EXOC4: variants seen among roughly 807,000 people sequenced by gnomAD.
EXOC4 encodes exocyst complex component 4.
Under a neutral mutation model 107.2 loss-of-function variants are expected in EXOC4, and 71 were observed. The observed-to-expected ratio is 0.66, with a 90% confidence interval of 0.55 to 0.81. EXOC4 has a LOEUF of 0.81. Among genes scored for constraint, EXOC4 ranks in the 30% least tolerant of loss-of-function variants. EXOC4 has a pLI of 0.00. For synonymous variants in EXOC4, 456 were observed against 441.2 expected, an observed-to-expected ratio of 1.03 and a Z score of -0.42; for missense variants, 1,108 against 1,189.6, an observed-to-expected ratio of 0.93 and a Z score of 1.01.
chr7:133,307,390 G>A (rs962856950), intron 4 of EXOC4, among the ~76,000 whole-genome samples: 3 of 152,130 alleles, frequency 2.0e-5, no homozygotes, highest in Non-Finnish European at 4.4e-5. Context: ...GCATTCTTTC[G>A]ACAATGCCTG....
chr7:133,690,861 T>G (rs1794404068), intron 10 of EXOC4, among the ~76,000 whole-genome samples: 2 of 152,118 alleles, frequency 1.3e-5, no homozygotes. Context: ...GGGAAACTAA[T>G]GGAAGATAGG....
At chr7:133,853,384 AC>A (rs1798281183) in intron 11 of EXOC4, among the ~76,000 whole-genome samples, 1 of 146,910 alleles carries the variant, frequency 6.8e-6, no homozygotes, top group South Asian at 2.1e-4. Context: ...ACACACACAC[AC>A]ACACACACAC....
intron 7 of EXOC4, among the ~76,000 whole-genome samples, chr7:133,443,873 T>C (rs1283087472): frequency 1.3e-5 from 2 of 152,182 alleles, no homozygotes; most frequent in Non-Finnish European, 2.9e-5. Context: ...AAGAAGCACC[T>C]GTGTTGGAAG....
At chr7:134,085,045 G>A in the EXOC4 span, among the ~76,000 whole-genome samples, 2 of 152,208 alleles carry the variant, frequency 1.3e-5, no homozygotes, top group Admixed American at 6.5e-5. Flanking sequence ...AGTGGTTGAA[G>A]TATGACTGCT....
intron 10 of EXOC4, among the ~76,000 whole-genome samples, chr7:133,757,756 C>T (rs1300089406): frequency 1.3e-5 from 2 of 152,202 alleles, no homozygotes; most frequent in African/African-American, 4.8e-5. Flanking sequence ...ATTCATATGA[C>T]AAATACTGTG....
chr7:133,937,636 C>T (rs1800334245), intron 13 of EXOC4, among the ~76,000 whole-genome samples: 1 of 152,200 alleles, frequency 6.6e-6, no homozygotes. Context: ...CTGTATAAAT[C>T]AGGCCCATAC....
chr7:133,617,197 T>C (rs1381240175), intron 9 of EXOC4, among the ~76,000 whole-genome samples: 1 of 152,188 alleles, frequency 6.6e-6, no homozygotes, highest in South Asian at 2.1e-4. Flanking sequence ...GGATTATTTA[T>C]AGTGATTGCC....
intron 10 of EXOC4, among the ~76,000 whole-genome samples, chr7:133,737,500 T>C (rs1795468712): frequency 6.6e-6 from 1 of 152,120 alleles, no homozygotes; most frequent in South Asian, 2.1e-4. Flanking sequence ...TTTTGCCTTG[T>C]TCTAGGCTAT....
intron 9 of EXOC4, among the ~76,000 whole-genome samples, chr7:133,602,435 T>A (rs1334319656): frequency 6.6e-6 from 1 of 152,218 alleles, no homozygotes; most frequent in Non-Finnish European, 1.5e-5. Flanking sequence ...CAGGTTGTTA[T>A]TGGCGATTGA....
intron 10 of EXOC4, among the ~76,000 whole-genome samples, chr7:133,710,001 G>A (rs904597098): frequency 2.0e-5 from 3 of 152,146 alleles, no homozygotes; most frequent in African/African-American, 7.2e-5. Context: ...AGCATCAAAT[G>A]ACAGATGAAC....
intron 13 of EXOC4, among the ~76,000 whole-genome samples, chr7:133,935,966 T>G (rs148819204): frequency 2.9e-3 from 441 of 152,342 alleles, no homozygotes; most frequent in Non-Finnish European, 4.7e-3. Context: ...TAATAATGCT[T>G]GGAGTTAAGC....
intron 14 of EXOC4, among the ~76,000 whole-genome samples, chr7:133,983,344 C>T (rs901274302): frequency 2.0e-5 from 3 of 152,170 alleles, no homozygotes; most frequent in African/African-American, 7.2e-5. Flanking sequence ...AGTATTTCAA[C>T]TTAGATCCAA....
chr7:133,415,689 A>C lies in EXOC4; in HGVS notation c.1182+40687A>C, dbSNP rs536130403. Among the ~76,000 whole-genome samples the C allele has an allele frequency of 2.6e-5, 4 of 152,336 alleles. No homozygotes were observed. In the East Asian group the frequency reaches 7.7e-4, roughly 29 times the overall value. ...ATTTGTGTCATTTTATTTCTTAAATAACAAAGGGCATTAAGCAAATAAGGC... is the reference window on the plus strand; with the variant it reads ...ATTTGTGTCATTTTATTTCTTAAATCACAAAGGGCATTAAGCAAATAAGGC... On this transcript the variant is annotated intron_variant, in intron 7 of 17. Transcript: ENST00000253861.
chr7:133,578,537 G>C (rs1801183000), intron 9 of EXOC4, among the ~76,000 whole-genome samples: 1 of 152,120 alleles, frequency 6.6e-6, no homozygotes, highest in African/African-American at 2.4e-5. Flanking sequence ...ACATGGTGAT[G>C]TACTTTTGAA....
At chr7:133,340,546 G>T (rs1302913452) in intron 5 of EXOC4, among the ~76,000 whole-genome samples, 1 of 151,556 alleles carries the variant, frequency 6.6e-6, no homozygotes, top group East Asian at 1.9e-4. Context: ...TTCATAGAAT[G>T]ATTTAGGGAG....
intron 10 of EXOC4, among the ~76,000 whole-genome samples, chr7:133,693,838 T>G (rs1438654386): frequency 6.6e-6 from 1 of 152,124 alleles, no homozygotes; most frequent in Non-Finnish European, 1.5e-5. Flanking sequence ...CAGATGAGGC[T>G]TCAGAAAAGA....
At chr7:133,761,734 AAGTGAATTATC>A (rs1796037215) in intron 10 of EXOC4, among the ~76,000 whole-genome samples, 1 of 152,200 alleles carries the variant, frequency 6.6e-6, no homozygotes, top group African/African-American at 2.4e-5. Flanking sequence ...AGTAACTTAT[AAGTGAATTATC>A]TTTATGATTG....
intron 14 of EXOC4, among the ~76,000 whole-genome samples, chr7:133,971,334 G>GTATATATATATATATATATATA (rs1206467959): frequency 6.2e-4 from 26 of 41,780 alleles, no homozygotes; most frequent in Non-Finnish European, 8.0e-4. Context: ...GGGAAAATGT[G>GTATATATATATATATATATATA]TATATATATA....
chr7:133,494,269 T>A (rs1799431377), intron 9 of EXOC4, among the ~76,000 whole-genome samples: 3 of 152,154 alleles, frequency 2.0e-5, no homozygotes. Flanking sequence ...AATGCTTTAC[T>A]AGCTCTGTGA....
Sources: allele counts gnomAD v4.1 joint callset (sites outside exome capture counted in the v4.1 genomes callset), GRCh38; gene constraint gnomAD v4.1.1; transcripts MANE v1.5; gene names NCBI Gene and HGNC (gene_info 2026-07-23, HGNC 2026-07-21).